USP31: variants seen among roughly 807,000 people sequenced by gnomAD.
The protein encoded by USP31 is ubiquitin specific peptidase 31, also known as ubiquitin carboxyl-terminal hydrolase 31.
USP31 carries 44 observed loss-of-function variants against 119.4 expected under a neutral mutation model. That is an observed-to-expected ratio of 0.37 (90% CI 0.29 to 0.47). USP31 has a LOEUF of 0.47. Ranked by LOEUF, USP31 falls within the 20% of genes least tolerant of loss-of-function variation. USP31 has a pLI of 0.99. For missense variants in USP31, 1,643 were observed against 1,730.2 expected (o/e 0.95, Z 0.89); for synonymous variants, 749 against 705.6 (o/e 1.06, Z -0.97).
At chr16:23,076,487 A>T (rs1321519286) in intron 13 of USP31, among the ~76,000 whole-genome samples, 2 of 152,170 alleles carry the variant, frequency 1.3e-5, no homozygotes, top group Non-Finnish European at 2.9e-5. Flanking sequence ...CCTTGAGGTC[A>T]GCATGACCTC....
intron 14 of USP31, 117 bp from the exon 15 acceptor site, chr16:23,072,314 C>T: frequency 1.4e-6 from 2 of 1,386,246 alleles, no homozygotes; most frequent in Middle Eastern, 3.7e-4. Context: ...TGTCCTCACC[C>T]CGAGGTCAGC....
intron 13 of USP31, among the ~76,000 whole-genome samples, chr16:23,076,132 G>T (rs1446439734): frequency 6.6e-6 from 1 of 152,012 alleles, no homozygotes; most frequent in Non-Finnish European, 1.5e-5. Context: ...ATGGGGATGA[G>T]GGGTGAGAGA....
At chr16:23,147,288 A>C (rs1903543294) in intron 1 of USP31, among the ~76,000 whole-genome samples, 1 of 152,084 alleles carries the variant, frequency 6.6e-6, no homozygotes, top group Non-Finnish European at 1.5e-5. Flanking sequence ...TTGTATTTTT[A>C]GTAGAGATGG....
intron 1 of USP31, among the ~76,000 whole-genome samples, chr16:23,130,354 G>A (rs1481137205): frequency 1.3e-5 from 2 of 152,074 alleles, no homozygotes; most frequent in Non-Finnish European, 2.9e-5. Context: ...GGGAGGCCAA[G>A]ATGGGAGTAT....
At chr16:23,110,170 T>C (rs182085016) in intron 1 of USP31, among the ~76,000 whole-genome samples, 37 of 152,370 alleles carry the variant, frequency 2.4e-4, no homozygotes, top group African/African-American at 8.7e-4. Flanking sequence ...GCCACTTTTC[T>C]GTAAATCTAA....
intron 1 of USP31, among the ~76,000 whole-genome samples, chr16:23,123,685 C>T (rs1196969032): frequency 6.6e-6 from 1 of 152,100 alleles, no homozygotes; most frequent in African/African-American, 2.4e-5. Flanking sequence ...TATCTAGTTA[C>T]TTAACTAAAA....
chr16:23,120,213 T>C (rs1902622678), intron 1 of USP31, among the ~76,000 whole-genome samples: 1 of 152,174 alleles, frequency 6.6e-6, no homozygotes, highest in Admixed American at 6.5e-5. Flanking sequence ...CCAGTCCCAA[T>C]GCAAGTTGGT....
intron 13 of USP31, 87 bp from the exon 14 acceptor site, chr16:23,073,967 T>TA: frequency 6.3e-7 from 1 of 1,574,916 alleles, no homozygotes; most frequent in Non-Finnish European, 8.7e-7. Context: ...TTGGCTCATC[T>TA]AATTAACTCA....
At chr16:23,136,898 T>G (rs961409921) in intron 1 of USP31, among the ~76,000 whole-genome samples, 1 of 152,222 alleles carries the variant, frequency 6.6e-6, no homozygotes, top group African/African-American at 2.4e-5. Flanking sequence ...GCATCATTAT[T>G]CATTAGGAGA....
At chr16:23,136,945 G>T (rs1231368603) in intron 1 of USP31, among the ~76,000 whole-genome samples, 2 of 152,150 alleles carry the variant, frequency 1.3e-5, no homozygotes, top group African/African-American at 4.8e-5. Flanking sequence ...TAGTGTGGTG[G>T]CTCATGCCTG....
chr16:23,077,115 C>T (rs1043611598), intron 13 of USP31, among the ~76,000 whole-genome samples: 8 of 152,168 alleles, frequency 5.3e-5, no homozygotes, highest in Non-Finnish European at 1.2e-4. Context: ...ATTTAATTCA[C>T]ATTAACTTTT....
rs114868197 is a variant in USP31, at chr16:23,062,456, G to C, written c.*5590C>G. 609 of 152,312 alleles carry C rather than the reference G, an allele frequency of 4.0e-3. 7 individuals carry two copies. The highest frequency in any genetic ancestry group is 0.013 in the African/African-American group (554 of 41,444). 9.4% of individuals were successfully genotyped at this position (152,312 alleles called of 1,614,324 possible). On this transcript the variant is annotated 3_prime_UTR_variant, in exon 16 of 16. Transcript: ENST00000219689. ...AAAAGAATTCCTGAAACCACATTCT[G>C]GATAAGAACTATCCTAGAGAATGAG...
chr16:23,148,235 T>C (rs903101489), intron 1 of USP31, among the ~76,000 whole-genome samples: 1 of 152,178 alleles, frequency 6.6e-6, no homozygotes, highest in African/African-American at 2.4e-5. Flanking sequence ...ATGAAGAAAC[T>C]GTAAGAACAG....
At chr16:23,072,507 C>T (rs2141829867) in intron 14 of USP31, 1 of 580,456 alleles carries the variant, frequency 1.7e-6, no homozygotes, top group Non-Finnish European at 3.0e-6. Flanking sequence ...TAGACAAGCA[C>T]TCATACATTC....
chr16:23,131,462 T>C (rs1903028360), intron 1 of USP31, among the ~76,000 whole-genome samples: 1 of 152,062 alleles, frequency 6.6e-6, no homozygotes, highest in African/African-American at 2.4e-5. Context: ...CCAGCCAAAT[T>C]TTTGTAGAAG....
At chr16:23,097,459 T>C (rs1901661418) in intron 6 of USP31, among the ~76,000 whole-genome samples, 1 of 152,170 alleles carries the variant, frequency 6.6e-6, no homozygotes, top group Admixed American at 6.5e-5. Context: ...GAGGGAATCC[T>C]CCCTAACTCA....
Position 23,127,315 on chromosome 16 carries a change from T to C in USP31, c.634-19132A>G, listed in dbSNP as rs540602859. On this transcript the variant is annotated intron_variant, in intron 1 of 15. Transcript: ENST00000219689. ...GGTGGTGAGCACCTGTGGTCCCAGC[T>C]ACTCCAGGGACTGAGGATCACTTGA... Among the ~76,000 whole-genome samples, 3 of 143,776 alleles carry C rather than the reference T, an allele frequency of 2.1e-5. No individual in the cohort carries two copies. In the Admixed American group the frequency reaches 2.2e-4, roughly 10 times the overall value. The allele number at this position is 143,776 out of a possible 152,430, so 94.3% of individuals were successfully genotyped here.
At chr16:23,094,552 G>A (rs1901516846) in intron 6 of USP31, among the ~76,000 whole-genome samples, 1 of 152,186 alleles carries the variant, frequency 6.6e-6, no homozygotes. Context: ...CCTCAAGTGG[G>A]TCCCTGACTC....
At chr16:23,121,759 A>AC (rs1902676330) in intron 1 of USP31, among the ~76,000 whole-genome samples, 1 of 152,164 alleles carries the variant, frequency 6.6e-6, no homozygotes, top group South Asian at 2.1e-4. Context: ...GTGGGGTACC[A>AC]CACATTCTTA....
Sources: gnomAD v4.1 joint callset for allele counts (sites outside exome capture counted in the v4.1 genomes callset) on GRCh38, gnomAD v4.1.1 for gene constraint, MANE v1.5 for transcripts, NCBI Gene and HGNC (gene_info 2026-07-23, HGNC 2026-07-21) for gene names.